MTAP: variants seen among roughly 807,000 people sequenced by gnomAD.
The protein encoded by MTAP is S-methyl-5'-thioadenosine phosphorylase.
A neutral mutation model predicts 33.6 loss-of-function variants in MTAP; 33 were observed. That is an observed-to-expected ratio of 0.98 (90% CI 0.74 to 1.31). The LOEUF (loss-of-function observed/expected upper bound fraction) is 1.31. Ranked by LOEUF, MTAP falls within the 40% of genes most tolerant of loss-of-function variation. MTAP has a pLI of 0.00. For missense variants in MTAP, 367 were observed against 360.0 expected (o/e 1.02, Z -0.16); for synonymous variants, 148 against 125.7 (o/e 1.18, Z -1.19).
chr9:21,818,387 G>A (rs1347068528), intron 4 of MTAP, among the ~76,000 whole-genome samples, 185 bp downstream of exon 4: 1 of 140,820 alleles, frequency 7.1e-6, no homozygotes, highest in African/African-American at 2.7e-5. Flanking sequence ...GAGTGCAGTG[G>A]CATGAACTCA....
chr9:21,855,404 G>A (rs1203780403), intron 6 of MTAP, among the ~76,000 whole-genome samples: 1 of 152,224 alleles, frequency 6.6e-6, no homozygotes, highest in Non-Finnish European at 1.5e-5. Context: ...TAAAGAAATA[G>A]AATGGTGAGG....
At chr9:21,871,664 G>C (rs1825939558), downstream of MTAP, among the ~76,000 whole-genome samples, 1 of 152,108 alleles carries the variant, frequency 6.6e-6, no homozygotes, top group Non-Finnish European at 1.5e-5. Context: ...GCCTATAGAA[G>C]TTTTAGCCAT....
At chr9:21,849,165 G>A (rs1197420441) in intron 5 of MTAP, among the ~76,000 whole-genome samples, 1 of 152,170 alleles carries the variant, frequency 6.6e-6, no homozygotes, top group East Asian at 1.9e-4. Context: ...TGAATGAAGG[G>A]GAGGCCAGGT....
chr9:21,863,945 G>C lies in MTAP; in HGVS notation c.*1931G>C. On this transcript the variant is annotated 3_prime_UTR_variant, in exon 8 of 8. Coordinates refer to ENST00000644715, the MANE Select transcript of MTAP (RefSeq NM_002451.4). ...GATGTAGTATTAAATTTCAACTCTG[G>C]TTATCCATTAGCAATCTGTAGAGAA... 1 of 985,742 alleles carries C rather than the reference G, an allele frequency of 1.0e-6. No individual in the cohort carries two copies. Among genetic ancestry groups the C allele is most frequent in the Non-Finnish European group, 1.2e-6 (1 of 829,914 alleles). 61.1% of individuals were successfully genotyped at this position (985,742 alleles called of 1,614,324 possible).
chr9:21,833,558 A>G (rs1181389708), intron 4 of MTAP, among the ~76,000 whole-genome samples: 2 of 152,092 alleles, frequency 1.3e-5, no homozygotes, highest in Non-Finnish European at 2.9e-5. Context: ...CTGCCTATTC[A>G]CGCTGCTGTT....
At chr9:21,847,319 C>G (rs571412076) in intron 5 of MTAP, among the ~76,000 whole-genome samples, 2 of 152,120 alleles carry the variant, frequency 1.3e-5, no homozygotes, top group Non-Finnish European at 2.9e-5. Context: ...AGAACCCTGA[C>G]TAATACAGAT....
At chr9:21,823,406 A>G (rs1824699445) in intron 4 of MTAP, among the ~76,000 whole-genome samples, 2 of 152,174 alleles carry the variant, frequency 1.3e-5, no homozygotes, top group Admixed American at 1.3e-4. Flanking sequence ...TTCTGGGTTG[A>G]AAATTCTTTT....
downstream of MTAP, chr9:21,933,751 T>C (rs1365270441): frequency 2.0e-5 from 3 of 152,204 alleles, no homozygotes; most frequent in East Asian, 1.9e-4. Context: ...AGTTTTCAAA[T>C]GAAAACTGTG....
chr9:21,914,926 G>A (rs1220361731), intron 1 of MTAP, among the ~76,000 whole-genome samples: 1 of 151,416 alleles, frequency 6.6e-6, no homozygotes, highest in Admixed American at 6.6e-5. Flanking sequence ...GGCCTTCTGT[G>A]TCTGGCTTCT....
At chr9:21,807,418 G>T (rs1030685389) in intron 1 of MTAP, among the ~76,000 whole-genome samples, 4 of 152,200 alleles carry the variant, frequency 2.6e-5, no homozygotes, top group Non-Finnish European at 5.9e-5. Flanking sequence ...GCAGGCCCCA[G>T]TTGAAAATCA....
At chr9:21,828,593 T>G (rs1824882365) in intron 4 of MTAP, among the ~76,000 whole-genome samples, 1 of 152,112 alleles carries the variant, frequency 6.6e-6, no homozygotes, top group Admixed American at 6.5e-5. Flanking sequence ...GAGAATTGCT[T>G]GAACCCAGGA....
rs79061369 is a variant in MTAP at position 21,857,567 on chromosome 9, A to G, written c.691-1736A>G. 8.7e-3 allele frequency among the ~76,000 whole-genome samples: 1,324 copies of G among 152,306 alleles called. 8 individuals are homozygous for G. Among genetic ancestry groups the G allele is most frequent in the Non-Finnish European group, 0.014 (941 of 68,026 alleles). The stretch of plus-strand genomic sequence containing the variant: ...TGGTAATTTTGTGTTCACTTTCTTC[A>G]ACTTTTTCTTATGAAGCTATTTTAG... On this transcript the variant is annotated intron_variant, in intron 6 of 7. Transcript: ENST00000644715.
At chr9:21,861,790 G>A in intron 7 of MTAP, 186 bp from the exon 8 acceptor site, 1 of 609,486 alleles carries the variant, frequency 1.6e-6, no homozygotes, top group Non-Finnish European at 3.0e-6. Context: ...GGAACCAAGA[G>A]TTTAGAGTAC....
In MTAP at chr9:21,864,635, C is replaced by A; in HGVS notation, c.*2621C>A. ...CCTGGCCCCTGTTCACTGCCCCCTT[C>A]GCTAGCACGAGTTGCTGTGCAGGGC... On this transcript the variant is annotated 3_prime_UTR_variant, in exon 8 of 8. Transcript: ENST00000644715. The A allele has an allele frequency of 1.0e-6, 1 of 985,496 alleles. No individual in the cohort carries two copies. Among genetic ancestry groups the A allele is most frequent in the Non-Finnish European group, 1.2e-6 (1 of 829,994 alleles). The allele number at this position is 985,496 out of a possible 1,614,324, so 61.0% of individuals were successfully genotyped here. A position where few individuals can be genotyped will look rare whatever the true frequency, so the allele number is the denominator to read the frequency against.
intron 1 of MTAP, among the ~76,000 whole-genome samples, chr9:21,808,359 T>C (rs1376225932): frequency 1.3e-5 from 2 of 151,558 alleles, no homozygotes; most frequent in South Asian, 2.1e-4. Flanking sequence ...CTGAGGTGGA[T>C]AGACTGCTTG....
At chr9:21,809,858 C>T (rs116298608) in intron 1 of MTAP, among the ~76,000 whole-genome samples, 4,916 of 152,274 alleles carry the variant, frequency 0.032, 275 homozygotes, top group African/African-American at 0.11. Flanking sequence ...CCCACTGTTG[C>T]TCCACAGGCA....
At chr9:21,918,357 A>AG (rs1421773168) in intron 1 of MTAP, among the ~76,000 whole-genome samples, 2 of 149,188 alleles carry the variant, frequency 1.3e-5, no homozygotes, top group African/African-American at 4.9e-5. Context: ...CTCAAAAAAA[A>AG]AAAAAAAAAA....
chr9:21,895,845 A>C (rs1464726297), intron 1 of MTAP, among the ~76,000 whole-genome samples: 1 of 152,308 alleles, frequency 6.6e-6, no homozygotes, highest in East Asian at 1.9e-4. Context: ...CCACAGCTCA[A>C]GGAGGCTTGC....
In MTAP at chr9:21,862,996, G is replaced by T; in HGVS notation, c.*982G>T. 2.0e-6 allele frequency: 2 copies of T among 984,734 alleles called. No homozygotes were observed. The highest frequency in any genetic ancestry group is 2.4e-6 in the Non-Finnish European group (2 of 829,338). The allele number at this position is 984,734 out of a possible 1,614,324, so 61.0% of individuals were successfully genotyped here. A position where few individuals can be genotyped will look rare whatever the true frequency, so the allele number is the denominator to read the frequency against. On this transcript the variant is annotated 3_prime_UTR_variant, in exon 8 of 8. Coordinates refer to ENST00000644715, the MANE Select transcript of MTAP (RefSeq NM_002451.4). ...TGGTAATGAAGCAGAATTTAAGTTG[G>T]TAATATTAAGGTGAATGTCATTTAA...
Sources: gnomAD v4.1 joint callset for allele counts (sites outside exome capture counted in the v4.1 genomes callset) on GRCh38, gnomAD v4.1.1 for gene constraint, MANE v1.5 for transcripts, NCBI Gene and HGNC (gene_info 2026-07-23, HGNC 2026-07-21) for gene names.